Variants in MBD5 observed in about 807,000 individuals in gnomAD.
MBD5 encodes methyl-CpG binding domain protein 5.
A neutral mutation model predicts 117.3 loss-of-function variants in MBD5; 13 were observed. That is an observed-to-expected ratio of 0.11 (90% CI 0.07 to 0.18). The LOEUF (loss-of-function observed/expected upper bound fraction) is 0.18. Ranked by LOEUF, MBD5 falls within the 10% of genes least tolerant of loss-of-function variation. The pLI, the probability that MBD5 is intolerant of heterozygous loss-of-function variation, is 1.00. For synonymous variants in MBD5, 727 were observed against 766.4 expected, an observed-to-expected ratio of 0.95 and a Z score of 0.85; for missense variants, 1,879 against 2,093.8, an observed-to-expected ratio of 0.90 and a Z score of 2.00.
At chr2:148,468,292 A>G (rs1306767133) in intron 7 of MBD5, 49 bp from the exon 8 acceptor site, 2 of 1,522,632 alleles carry the variant, frequency 1.3e-6, no homozygotes, top group Non-Finnish European at 1.8e-6. Context: ...CTCCCACCAC[A>G]AAAGAGTTGA....
rs186045313 is a variant in MBD5, at chr2:148,479,370, A to C, written c.2519-3740A>C. Among the ~76,000 whole-genome samples, 7 of 152,330 alleles carry C rather than the reference A, an allele frequency of 4.6e-5. No homozygotes were observed. The East Asian group carries it at 1.3e-3, about 29-fold the overall frequency. The stretch of plus-strand genomic sequence containing the variant: ...GGTGGTATTCTTTCCCTTTGTCCAC[A>C]AACACACCAACACATAGCATCAAAC... On this transcript the variant is annotated intron_variant, in intron 8 of 13. Transcript: ENST00000642680.
chr2:148,446,914 C>A (rs1415390355), intron 4 of MBD5, among the ~76,000 whole-genome samples: 1 of 151,876 alleles, frequency 6.6e-6, no homozygotes, highest in South Asian at 2.1e-4. Flanking sequence ...AGAAAACAAT[C>A]TTTTTAATCC....
At chr2:148,459,180 C>G (rs1706980922) in intron 5 of MBD5, among the ~76,000 whole-genome samples, 1 of 152,080 alleles carries the variant, frequency 6.6e-6, no homozygotes, top group African/African-American at 2.4e-5. Context: ...ATCACTTGAC[C>G]TGATATCACT....
intron 3 of MBD5, among the ~76,000 whole-genome samples, chr2:148,239,565 T>G (rs1700165793): frequency 6.6e-6 from 1 of 152,232 alleles, no homozygotes; most frequent in Non-Finnish European, 1.5e-5. Flanking sequence ...GGTAAGAAAT[T>G]AAGAAAAATT....
intron 3 of MBD5, among the ~76,000 whole-genome samples, chr2:148,308,174 G>T (rs1272701470): frequency 6.6e-6 from 1 of 152,076 alleles, no homozygotes; most frequent in African/African-American, 2.4e-5. Flanking sequence ...GGATTGCTGG[G>T]TCAAATGGTA....
At chr2:148,039,511 C>T (rs543828058) in intron 1 of MBD5, among the ~76,000 whole-genome samples, 109 of 152,096 alleles carry the variant, frequency 7.2e-4, no homozygotes, top group Admixed American at 6.2e-3. Flanking sequence ...CAAGAAAACT[C>T]GAGGCTTAAA....
At chr2:148,306,339 T>C (rs1701892676) in intron 3 of MBD5, among the ~76,000 whole-genome samples, 2 of 152,248 alleles carry the variant, frequency 1.3e-5, no homozygotes, top group Admixed American at 1.3e-4. Context: ...GTTTCTTAAA[T>C]CTGTTTAGTC....
At chr2:148,263,313 T>C (rs1055419951) in intron 3 of MBD5, among the ~76,000 whole-genome samples, 4 of 152,112 alleles carry the variant, frequency 2.6e-5, no homozygotes, top group Admixed American at 2.0e-4. Flanking sequence ...GATCAAAATA[T>C]ATCGTGGCAC....
At chr2:148,451,850 T>C (rs918506609) in intron 4 of MBD5, among the ~76,000 whole-genome samples, 2 of 152,296 alleles carry the variant, frequency 1.3e-5, no homozygotes, top group South Asian at 2.1e-4. Flanking sequence ...ATAATCATAA[T>C]ATTAAAAGTA....
Position 148,483,291 on chromosome 2 carries a change from T to G in MBD5, c.2700T>G (p.Phe900Leu), listed in dbSNP as rs749854176. ...PFVGQEHALH[F>L]PSNSTSNNHL... ...TTGGCCAGGAGCACGCACTTCATTT[T>G]CCATCCAACAGCACTTCAAACAACC... Residue 900 changes from phenylalanine to leucine, a missense_variant, in exon 9 of 14, where the codon TTT becomes TTG. By Grantham distance (22) the Phe-to-Leu change is conservative. Around this residue, in one of 4 missense-constraint regions of MBD5, gnomAD observed 1,666 missense variants for 1,792.2 expected, o/e 0.93. Transcript: ENST00000642680. The G allele has an allele frequency of 6.2e-7, 1 of 1,614,116 alleles. No individual in the cohort carries two copies. The highest frequency in any genetic ancestry group is 8.5e-7 in the Non-Finnish European group (1 of 1,180,018).
chr2:148,385,626 T>A (rs868320239), intron 4 of MBD5, among the ~76,000 whole-genome samples: 2 of 151,958 alleles, frequency 1.3e-5, no homozygotes, highest in Non-Finnish European at 2.9e-5. Flanking sequence ...ACCCAGAGGA[T>A]TATAAATCAT....
chr2:148,411,911 A>G (rs538754088), intron 4 of MBD5, among the ~76,000 whole-genome samples: 1 of 152,070 alleles, frequency 6.6e-6, no homozygotes, highest in Non-Finnish European at 1.5e-5. Context: ...TCATCATGAA[A>G]TATTTCCCAG....
At chr2:148,364,858 C>G (rs938636001) in intron 4 of MBD5, among the ~76,000 whole-genome samples, 2 of 152,094 alleles carry the variant, frequency 1.3e-5, no homozygotes, top group African/African-American at 4.8e-5. Flanking sequence ...CTTAGAGACC[C>G]ACAAAGAGAC....
intron 4 of MBD5, among the ~76,000 whole-genome samples, chr2:148,358,133 T>G (rs1350466144): frequency 6.6e-6 from 1 of 152,214 alleles, no homozygotes; most frequent in Non-Finnish European, 1.5e-5. Flanking sequence ...GTCATTTTAC[T>G]GGGTCTTAAA....
chr2:148,512,575 A>T (rs1420447145), intron 13 of MBD5, among the ~76,000 whole-genome samples: 1 of 152,204 alleles, frequency 6.6e-6, no homozygotes, highest in Non-Finnish European at 1.5e-5. Flanking sequence ...TAACAACTGC[A>T]CATTGCATTT....
intron 3 of MBD5, among the ~76,000 whole-genome samples, chr2:148,253,831 C>G (rs991180303): frequency 1.3e-5 from 2 of 152,212 alleles, no homozygotes; most frequent in African/African-American, 4.8e-5. Flanking sequence ...AAGCCAAGCA[C>G]GAGCTCATGT....
intron 4 of MBD5, among the ~76,000 whole-genome samples, chr2:148,399,048 T>A (rs1037278706): frequency 6.6e-6 from 1 of 152,240 alleles, no homozygotes; most frequent in African/African-American, 2.4e-5. Context: ...CTGTTTTGGT[T>A]ACTGTAGCCT....
intron 4 of MBD5, among the ~76,000 whole-genome samples, chr2:148,453,993 G>T (rs2105502728): frequency 6.6e-6 from 1 of 152,140 alleles, no homozygotes; most frequent in East Asian, 1.9e-4. Context: ...GATGGGCATA[G>T]ATTTATGTAC....
intron 3 of MBD5, among the ~76,000 whole-genome samples, chr2:148,304,069 A>C (rs1385701100): frequency 6.6e-6 from 1 of 152,150 alleles, no homozygotes; most frequent in East Asian, 1.9e-4. Context: ...ACAGCCATAT[A>C]TCCACACTGC....
Sources: gnomAD v4.1 joint callset for allele counts (sites outside exome capture counted in the v4.1 genomes callset) on GRCh38, gnomAD v4.1.1 for gene constraint, gnomAD v4.1.1 regional missense constraint, MANE v1.5 for transcripts, NCBI Gene and HGNC (gene_info 2026-07-23, HGNC 2026-07-21) for gene names.